ANO1: variants seen among roughly 807,000 people sequenced by gnomAD.
ANO1 encodes anoctamin 1, also known as anoctamin-1.
In ANO1, 59 loss-of-function variants were observed where a neutral mutation model predicts 124.0. That is an observed-to-expected ratio of 0.48 (90% CI 0.39 to 0.59). The LOEUF (loss-of-function observed/expected upper bound fraction) is 0.59. Among genes scored for constraint, ANO1 ranks in the 20% least tolerant of loss-of-function variants. The pLI is 0.00. For synonymous variants in ANO1, 529 were observed against 532.0 expected, an observed-to-expected ratio of 0.99 and a Z score of 0.08; for missense variants, 1,059 against 1,328.0, an observed-to-expected ratio of 0.80 and a Z score of 3.15.
chr11:69,974,570 C>T, the ANO1 span, among the ~76,000 whole-genome samples: 1 of 152,342 alleles, frequency 6.6e-6, no homozygotes, highest in Middle Eastern at 3.4e-3. Flanking sequence ...GAACCTCATG[C>T]TCTTGGCCCT....
At chr11:70,128,244 G>C (rs1035483758) in intron 10 of ANO1, among the ~76,000 whole-genome samples, 19 of 145,938 alleles carry the variant, frequency 1.3e-4, no homozygotes, top group African/African-American at 2.5e-5. Context: ...GCAGGAGAAA[G>C]GTTTCCCTTT....
intron 1 of ANO1, among the ~76,000 whole-genome samples, chr11:70,000,321 C>CGG (rs11313364): frequency 5.0e-4 from 76 of 151,292 alleles, no homozygotes; most frequent in African/African-American, 1.5e-3. Context: ...AGAGATGGGC[C>CGG]GGGGGGGGAT....
Position 70,089,209 on chromosome 11 carries a change from C to A in ANO1, c.441+1125C>A, listed in dbSNP as rs116495753. Among the ~76,000 whole-genome samples the A allele has an allele frequency of 2.9e-3, 443 of 152,298 alleles. 3 individuals are homozygous for A. Among genetic ancestry groups the A allele is most frequent in the African/African-American group, 0.01 (428 of 41,566 alleles). The stretch of plus-strand genomic sequence containing the variant: ...AATCGACAAAGTCTCTAAAACACAT[C>A]GAAAACAGAAAAAGTTGTCGGCAGG... On this transcript the variant is annotated intron_variant, in intron 2 of 25. Coordinates refer to ENST00000355303, the MANE Select transcript of ANO1 (RefSeq NM_018043.7).
chr11:70,150,644 C>T (rs1051350489), intron 12 of ANO1, among the ~76,000 whole-genome samples: 1 of 152,214 alleles, frequency 6.6e-6, no homozygotes, highest in Non-Finnish European at 1.5e-5. Context: ...AAGCCCTCCT[C>T]CCATTTCAGC....
chr11:69,996,299 C>CTA (rs1856270789), intron 1 of ANO1, among the ~76,000 whole-genome samples: 1 of 152,142 alleles, frequency 6.6e-6, no homozygotes, highest in African/African-American at 2.4e-5. Context: ...ATTCCTAACT[C>CTA]ATTAGAGTTA....
intron 1 of ANO1, among the ~76,000 whole-genome samples, chr11:70,025,329 T>C (rs957705244): frequency 4.6e-5 from 7 of 152,216 alleles, no homozygotes; most frequent in Non-Finnish European, 8.8e-5. Flanking sequence ...AGAACTGGTG[T>C]CTGCTGCAAT....
intron 1 of ANO1, among the ~76,000 whole-genome samples, chr11:70,007,637 T>C (rs560323873): frequency 6.6e-6 from 1 of 152,300 alleles, no homozygotes; most frequent in Admixed American, 6.5e-5. Context: ...CACATTTTAC[T>C]TCTCTATTGA....
intron 1 of ANO1, among the ~76,000 whole-genome samples, chr11:70,059,747 T>C (rs1857529712): frequency 6.6e-6 from 1 of 151,868 alleles, no homozygotes; most frequent in African/African-American, 2.4e-5. Flanking sequence ...GTAGAAGTGA[T>C]CATGAAGGAA....
intron 1 of ANO1, among the ~76,000 whole-genome samples, chr11:70,037,703 C>T (rs1857117503): frequency 6.6e-6 from 1 of 152,180 alleles, no homozygotes; most frequent in Admixed American, 6.5e-5. Context: ...ATACCCGAAG[C>T]ACCTCATGGA....
At chr11:70,105,513 C>T (rs1047923688) in intron 4 of ANO1, among the ~76,000 whole-genome samples, 4 of 152,210 alleles carry the variant, frequency 2.6e-5, no homozygotes, top group Non-Finnish European at 4.4e-5. Context: ...TAGGTCACTT[C>T]CCACCTATGT....
intron 1 of ANO1, among the ~76,000 whole-genome samples, chr11:70,032,942 C>A (rs527697682): frequency 3.3e-5 from 5 of 152,134 alleles, no homozygotes; most frequent in Admixed American, 1.3e-4. Flanking sequence ...GAAACTGAAC[C>A]ACCACAGAAG....
chr11:70,187,037 T>C (rs538797916), intron 25 of ANO1, among the ~76,000 whole-genome samples: 3 of 152,248 alleles, frequency 2.0e-5, no homozygotes, highest in African/African-American at 7.2e-5. Flanking sequence ...GATGGACCAG[T>C]CACTGCTTTG....
intron 11 of ANO1, among the ~76,000 whole-genome samples, chr11:70,149,203 G>A (rs1215111667): frequency 6.6e-5 from 10 of 152,154 alleles, no homozygotes; most frequent in Non-Finnish European, 1.2e-4. Flanking sequence ...AACCTCGGTC[G>A]GGACTTGAGT....
chr11:70,041,685 G>C (rs1857185212), intron 1 of ANO1, among the ~76,000 whole-genome samples: 1 of 151,552 alleles, frequency 6.6e-6, no homozygotes, highest in African/African-American at 2.4e-5. Context: ...CCAGCATCTA[G>C]AACAAACCCT....
intron 1 of ANO1, among the ~76,000 whole-genome samples, chr11:70,045,977 C>G (rs973220801): frequency 6.6e-6 from 1 of 152,170 alleles, no homozygotes; most frequent in Non-Finnish European, 1.5e-5. Context: ...GACGACTGTT[C>G]AAAAACCAAG....
chr11:70,129,408 G>A (rs1383773298), intron 10 of ANO1: 1 of 152,090 alleles, frequency 6.6e-6, no homozygotes, highest in African/African-American at 2.4e-5. Context: ...AGGCCACACG[G>A]ATCACAAAAT....
intron 1 of ANO1, among the ~76,000 whole-genome samples, chr11:70,085,033 G>A (rs1024412195): frequency 3.3e-5 from 5 of 152,128 alleles, no homozygotes; most frequent in African/African-American, 4.8e-5. Flanking sequence ...ACCCTTAGTC[G>A]CGGCTCCTAC....
intron 14 of ANO1, 43 bp from the exon 15 acceptor site, chr11:70,155,868 C>A (rs1310559213): frequency 1.3e-6 from 2 of 1,503,848 alleles, no homozygotes; most frequent in African/African-American, 1.4e-5. Flanking sequence ...GTGCCGCCTC[C>A]CACTTCACCG....
At chr11:69,974,097 T>C in the ANO1 span, among the ~76,000 whole-genome samples, 1 of 151,598 alleles carries the variant, frequency 6.6e-6, no homozygotes, top group African/African-American at 2.4e-5. Flanking sequence ...GGTGGGTGGA[T>C]CACCTGAGGA....
Sources: allele counts gnomAD v4.1 joint callset (sites outside exome capture counted in the v4.1 genomes callset), GRCh38; gene constraint gnomAD v4.1.1; transcripts MANE v1.5; gene names NCBI Gene and HGNC (gene_info 2026-07-23, HGNC 2026-07-21).